The following MGAT5 variants were observed in gnomAD, a reference collection of about 807,000 sequenced individuals.
The protein encoded by MGAT5 is alpha-1,6-mannosylglycoprotein 6-beta-N-acetylglucosaminyltransferase A.
In MGAT5, 30 loss-of-function variants were observed where a neutral mutation model predicts 94.3. That is an observed-to-expected ratio of 0.32 (90% CI 0.24 to 0.43). The LOEUF is 0.43. MGAT5 is among the 20% of genes least tolerant of loss of function. The pLI is 1.00. For missense variants in MGAT5, 691 were observed against 905.5 expected (o/e 0.76, Z 3.04); for synonymous variants, 310 against 322.9 (o/e 0.96, Z 0.43).
At chr2:134,267,351 A>C (rs1683779661) in intron 1 of MGAT5, among the ~76,000 whole-genome samples, 1 of 152,224 alleles carries the variant, frequency 6.6e-6, no homozygotes, top group South Asian at 2.1e-4. Flanking sequence ...CATAGGGATG[A>C]TCACATGCTC....
intron 4 of MGAT5, among the ~76,000 whole-genome samples, chr2:134,330,196 T>G (rs1687878690): frequency 6.6e-6 from 1 of 152,172 alleles, no homozygotes; most frequent in African/African-American, 2.4e-5. Flanking sequence ...TCTTATAGGA[T>G]AATAAAATTA....
At chr2:134,391,066 C>A (rs775778349) in intron 10 of MGAT5, among the ~76,000 whole-genome samples, 1 of 152,152 alleles carries the variant, frequency 6.6e-6, no homozygotes, top group Non-Finnish European at 1.5e-5. Context: ...CCTTGCCCCA[C>A]TGAAGCTTGG....
intron 10 of MGAT5, among the ~76,000 whole-genome samples, chr2:134,397,197 A>G (rs1268640300): frequency 1.3e-5 from 2 of 152,184 alleles, no homozygotes; most frequent in Non-Finnish European, 2.9e-5. Flanking sequence ...CCTAGTGACA[A>G]TAAGGAGGAT....
chr2:134,287,277 G>C (rs186328971), intron 2 of MGAT5, among the ~76,000 whole-genome samples: 2 of 152,024 alleles, frequency 1.3e-5, no homozygotes, highest in East Asian at 1.9e-4. Context: ...GTTCTCTCAA[G>C]GTCTTTTAAA....
At chr2:134,295,853 G>C (rs555110203) in intron 2 of MGAT5, among the ~76,000 whole-genome samples, 18 of 152,258 alleles carry the variant, frequency 1.2e-4, no homozygotes, top group African/African-American at 3.9e-4. Context: ...CTTAAGGGTG[G>C]GGAGATGGGT....
chr2:134,186,862 A>C (rs1453098542), intron 1 of MGAT5, among the ~76,000 whole-genome samples: 1 of 152,222 alleles, frequency 6.6e-6, no homozygotes, highest in Non-Finnish European at 1.5e-5. Context: ...GAAACAGGTA[A>C]ATCTGATGTC....
chr2:134,277,102 A>G (rs1026518065), intron 2 of MGAT5, among the ~76,000 whole-genome samples: 3 of 152,158 alleles, frequency 2.0e-5, no homozygotes, highest in Non-Finnish European at 4.4e-5. Flanking sequence ...GATGAGGGAC[A>G]ATGAAAGGCA....
At chr2:134,342,586 T>C (rs2106008894) in intron 7 of MGAT5, among the ~76,000 whole-genome samples, 1 of 152,138 alleles carries the variant, frequency 6.6e-6, no homozygotes, top group South Asian at 2.1e-4. Flanking sequence ...ACCCTGTCTG[T>C]ACTAAAAATA....
rs1686049953 is a variant in MGAT5 at position 134,450,668 on chromosome 2, T to A, written c.*1821T>A. The A allele has an allele frequency of 6.6e-6, 1 of 152,068 alleles. No homozygotes were observed. The highest frequency in any genetic ancestry group is 2.4e-5 in the African/African-American group (1 of 41,388). 9.4% of individuals were successfully genotyped at this position (152,068 alleles called of 1,614,324 possible). A position where few individuals can be genotyped will look rare whatever the true frequency, so the allele number is the denominator to read the frequency against. On this transcript the variant is annotated 3_prime_UTR_variant, in exon 16 of 16. Coordinates refer to ENST00000281923, the MANE Select transcript of MGAT5 (RefSeq NM_002410.5). ...AGCACATCTGCCAGGTAGAGTACCATGGGGAGGCCTCTGCCCTGAGCATCA... is the reference window on the plus strand; with the variant it reads ...AGCACATCTGCCAGGTAGAGTACCAAGGGGAGGCCTCTGCCCTGAGCATCA...
chr2:134,168,229 T>G (rs1688044328), intron 1 of MGAT5, among the ~76,000 whole-genome samples: 1 of 152,174 alleles, frequency 6.6e-6, no homozygotes, highest in Non-Finnish European at 1.5e-5. Flanking sequence ...GAATCCCCAT[T>G]TTCATAATGA....
intron 11 of MGAT5, among the ~76,000 whole-genome samples, chr2:134,409,258 AC>A (rs1683513244): frequency 6.6e-6 from 1 of 152,186 alleles, no homozygotes; most frequent in South Asian, 2.1e-4. Flanking sequence ...CCTCACAGCA[AC>A]CCCATGAAAT....
At chr2:134,123,791 G>A (rs1220297007) in intron 1 of MGAT5, among the ~76,000 whole-genome samples, 3 of 152,128 alleles carry the variant, frequency 2.0e-5, no homozygotes, top group Non-Finnish European at 4.4e-5. Flanking sequence ...TTTATACGGG[G>A]GGATTGCTAT....
chr2:134,321,445 T>C (rs114483154), intron 4 of MGAT5, among the ~76,000 whole-genome samples: 1,629 of 152,210 alleles, frequency 0.011, 19 homozygotes, highest in African/African-American at 0.029. Context: ...ACTGCAGTTA[T>C]TTGTGACTTC....
Position 134,191,973 on chromosome 2 carries a change from C to T in MGAT5, c.-142-62289C>T, listed in dbSNP as rs528055641. ...CTCCTTCTCCTCCTGCTCGCGCCAG[C>T]GGGTTCCTGATGGTAGGGTGGGTTC... On this transcript the variant is annotated intron_variant, in intron 1 of 16. Coordinates refer to the MGAT5 transcript ENST00000409645. Among the ~76,000 whole-genome samples, 612 of 146,946 alleles carry T rather than the reference C, an allele frequency of 4.2e-3. 6 individuals are homozygous for T. Among genetic ancestry groups the T allele is most frequent in the African/African-American group, 0.015 (591 of 39,482 alleles).
intron 1 of MGAT5, among the ~76,000 whole-genome samples, chr2:134,201,308 CT>C (rs1247145045): frequency 6.6e-6 from 1 of 152,038 alleles, no homozygotes; most frequent in African/African-American, 2.4e-5. Context: ...GAAGAACTAT[CT>C]TTTGTTCTCT....
chr2:134,149,913 GA>G (rs1264163257), intron 1 of MGAT5, among the ~76,000 whole-genome samples: 1 of 152,234 alleles, frequency 6.6e-6, no homozygotes, highest in Non-Finnish European at 1.5e-5. Flanking sequence ...AGTCAAGGAA[GA>G]AGGTTACCCA....
intron 15 of MGAT5, 64 bp downstream of exon 15, chr2:134,441,979 T>C: frequency 6.4e-7 from 1 of 1,569,336 alleles, no homozygotes; most frequent in East Asian, 2.2e-5. Context: ...TGTTGGGTAG[T>C]CAGGTGAGAG....
chr2:134,127,785 C>T (rs1685915964), intron 1 of MGAT5, among the ~76,000 whole-genome samples: 1 of 152,146 alleles, frequency 6.6e-6, no homozygotes, highest in South Asian at 2.1e-4. Context: ...CCCTCCCACA[C>T]TTGGAGGGTT....
At chr2:134,355,434 T>G (rs1394145911) in intron 9 of MGAT5, among the ~76,000 whole-genome samples, 1 of 152,218 alleles carries the variant, frequency 6.6e-6, no homozygotes, top group Non-Finnish European at 1.5e-5. Context: ...GTCATAGTTA[T>G]TTGGGGATGC....
Sources: allele counts gnomAD v4.1 joint callset (sites outside exome capture counted in the v4.1 genomes callset), GRCh38; gene constraint gnomAD v4.1.1; transcripts MANE v1.5; gene names NCBI Gene and HGNC (gene_info 2026-07-23, HGNC 2026-07-21).